Variants in CDK8 observed in about 807,000 individuals in gnomAD.
CDK8 encodes the protein cyclin-dependent kinase 8.
In CDK8, 29 loss-of-function variants were observed where a neutral mutation model predicts 71.5. The observed-to-expected ratio is 0.41, with a 90% CI of 0.30 to 0.55. CDK8 has a LOEUF of 0.55. Ranked by LOEUF, CDK8 falls within the 20% of genes least tolerant of loss-of-function variation. CDK8 has a pLI of 0.37. For missense variants in CDK8, 288 were observed against 572.6 expected (o/e 0.50, Z 5.07); for synonymous variants, 161 against 192.1 (o/e 0.84, Z 1.34).
At position 26,401,263 on chromosome 13, in the gene CDK8, G is replaced by A. The variant is rs1876243882; in HGVS notation, c.1032-6G>A. 6.2e-7 allele frequency: 1 copy of A among 1,610,906 alleles called. No homozygotes were observed. Among genetic ancestry groups the A allele is most frequent in the Non-Finnish European group, 8.5e-7 (1 of 1,177,876 alleles). ...CAGAAATGGTTTTTCTTTTTCTTAT[G>A]ATCAGCGTTTTTGCCGGTTGTCAAA... On this transcript the variant is annotated splice_region_variant and splice_polypyrimidine_tract_variant and intron_variant, in intron 10 of 12. Transcript: ENST00000381527. This position sits in a 1 kb window ranked among gnomAD's most constrained non-coding sequence, Gnocchi z 4.5.
At chr13:26,264,572 A>G (rs570920237) in intron 1 of CDK8, among the ~76,000 whole-genome samples, 44 of 152,350 alleles carry the variant, frequency 2.9e-4, no homozygotes, top group African/African-American at 1.1e-3. Flanking sequence ...AGATGTATAT[A>G]TGCATAGTGG....
chr13:26,272,051 T>C (rs1336250778), intron 1 of CDK8, among the ~76,000 whole-genome samples: 2 of 151,924 alleles, frequency 1.3e-5, no homozygotes, highest in Non-Finnish European at 2.9e-5. Context: ...AAATTAACCT[T>C]AGCCTCCTGT....
intron 7 of CDK8, among the ~76,000 whole-genome samples, chr13:26,395,448 A>C: frequency 6.7e-6 from 1 of 149,464 alleles, no homozygotes; most frequent in East Asian, 2.0e-4. Context: ...GCACCATTGC[A>C]CTCCGGCCTG....
rs138048015 is a variant in CDK8, at chr13:26,382,101, C to T, written c.457-713C>T. On this transcript the variant is annotated intron_variant, in intron 4 of 12. Coordinates refer to ENST00000381527, the MANE Select transcript of CDK8 (RefSeq NM_001260.3). ...CCTCATCCCCTCCTTACTCCTTCTG[C>T]TCTTCCTTCGCTTTCCTAAAGAAAG... Among the ~76,000 whole-genome samples, 1,103 of 152,266 alleles carry T rather than the reference C, an allele frequency of 7.2e-3. 14 individuals are homozygous for T. The highest frequency in any genetic ancestry group is 0.025 in the African/African-American group (1,059 of 41,556).
chr13:26,376,553 T>C (rs1874962548), intron 4 of CDK8, among the ~76,000 whole-genome samples: 1 of 152,230 alleles, frequency 6.6e-6, no homozygotes, highest in Non-Finnish European at 1.5e-5. Context: ...AATTGAAAAG[T>C]GTGTTTTCTC....
At chr13:26,279,997 G>T (rs888013075) in intron 1 of CDK8, among the ~76,000 whole-genome samples, 1 of 152,052 alleles carries the variant, frequency 6.6e-6, no homozygotes, top group Non-Finnish European at 1.5e-5. Flanking sequence ...GTATGTGTGT[G>T]TAAAGATACG....
At chr13:26,326,127 A>G (rs907423858) in intron 1 of CDK8, among the ~76,000 whole-genome samples, 2 of 152,204 alleles carry the variant, frequency 1.3e-5, no homozygotes, top group African/African-American at 4.8e-5. Flanking sequence ...AACTTTCCTA[A>G]GTATGACATC....
At chr13:26,351,032 G>T (rs1873660192) in intron 3 of CDK8, among the ~76,000 whole-genome samples, 2 of 151,928 alleles carry the variant, frequency 1.3e-5, no homozygotes, top group Admixed American at 1.3e-4. Flanking sequence ...GATAGCCAAA[G>T]TAATTTTGAA....
intron 1 of CDK8, among the ~76,000 whole-genome samples, chr13:26,295,801 T>C (rs1276704823): frequency 6.6e-6 from 1 of 152,190 alleles, no homozygotes; most frequent in African/African-American, 2.4e-5. Context: ...CATCTGAGAA[T>C]ATGATCAATC....
intron 1 of CDK8, among the ~76,000 whole-genome samples, chr13:26,280,382 C>G (rs1872695597): frequency 6.6e-6 from 1 of 152,170 alleles, no homozygotes; most frequent in South Asian, 2.1e-4. Context: ...ACTGAGTGGA[C>G]AAGGATTTGG....
chr13:26,363,584 A>ACTCTTGGG (rs1162316682), intron 4 of CDK8, among the ~76,000 whole-genome samples: 1 of 151,696 alleles, frequency 6.6e-6, no homozygotes, highest in East Asian at 1.9e-4. Context: ...CTGGTCTCAA[A>ACTCTTGGG]CTCTTGGGCT....
At chr13:26,328,840 A>G (rs922307163) in intron 1 of CDK8, among the ~76,000 whole-genome samples, 2 of 151,716 alleles carry the variant, frequency 1.3e-5, no homozygotes, top group African/African-American at 2.4e-5. Context: ...CAATTTTCCT[A>G]TTTTTCTTTT....
intron 1 of CDK8, among the ~76,000 whole-genome samples, chr13:26,271,959 A>G (rs935352969): frequency 6.6e-6 from 1 of 151,498 alleles, no homozygotes; most frequent in East Asian, 1.9e-4. Flanking sequence ...GGCCTAGGAC[A>G]TTGCTTTACA....
intron 2 of CDK8, among the ~76,000 whole-genome samples, chr13:26,340,301 T>TA (rs1873188050): frequency 1.3e-5 from 2 of 152,320 alleles, no homozygotes; most frequent in South Asian, 4.1e-4. Context: ...AACTTACTGT[T>TA]ACTGATTACT....
chr13:26,330,458 C>G (rs942147422), intron 1 of CDK8, among the ~76,000 whole-genome samples: 5 of 152,114 alleles, frequency 3.3e-5, no homozygotes, highest in African/African-American at 1.2e-4. Context: ...GCCCGCCTTT[C>G]CCTCCCCAAG....
Position 26,254,880 on chromosome 13 carries a change from G to C in CDK8, c.128+111G>C. On this transcript the variant is annotated intron_variant, in intron 1 of 12. Coordinates refer to ENST00000381527, the MANE Select transcript of CDK8 (RefSeq NM_001260.3). The surrounding 1 kb of genome is among the most constrained non-coding windows in gnomAD (Gnocchi z 6.7). ...CGGGGTGCCGGGCTCTGACTTCCTC[G>C]ACGCCGGCCTCTGGCTCCGCCAGCC... 4.2e-6 allele frequency: 6 copies of C among 1,443,548 alleles called. No individual in the cohort carries two copies. Among genetic ancestry groups the C allele is most frequent in the African/African-American group, 1.4e-5 (1 of 71,418 alleles). 89.4% of individuals were successfully genotyped at this position (1,443,548 alleles called of 1,614,324 possible).
chr13:26,396,677 T>C (rs1221366463), intron 8 of CDK8, among the ~76,000 whole-genome samples: 1 of 152,100 alleles, frequency 6.6e-6, no homozygotes, highest in Non-Finnish European at 1.5e-5. Context: ...ATAAATAAAC[T>C]TTGGTAATAG....
rs774141634 is a variant in CDK8 at position 26,400,436 on chromosome 13, A to G, written c.934-17A>G. On this transcript the variant is annotated splice_polypyrimidine_tract_variant and intron_variant, in intron 9 of 12. Coordinates refer to ENST00000381527, the MANE Select transcript of CDK8 (RefSeq NM_001260.3). The stretch of plus-strand genomic sequence containing the variant: ...TGAGAAGCAATACCGTCATGTTTGT[A>G]TGATTTGTGATTTCAGCTTCAGAAG... 18 of 1,482,190 alleles carry G rather than the reference A, an allele frequency of 1.2e-5. No individual in the cohort carries two copies. Among genetic ancestry groups the G allele is most frequent in the Middle Eastern group, 1.7e-4 (1 of 5,856 alleles). The allele number at this position is 1,482,190 out of a possible 1,614,324, so 91.8% of individuals were successfully genotyped here. A position where few individuals can be genotyped will look rare whatever the true frequency, so the allele number is the denominator to read the frequency against.
chr13:26,267,263 G>A (rs1872062384), intron 1 of CDK8, among the ~76,000 whole-genome samples: 1 of 152,168 alleles, frequency 6.6e-6, no homozygotes, highest in Admixed American at 6.6e-5. Flanking sequence ...GTTCTCCAGT[G>A]TCATATGAAG....
Sources: allele counts gnomAD v4.1 joint callset (sites outside exome capture counted in the v4.1 genomes callset), GRCh38; gene constraint gnomAD v4.1.1; non-coding constraint Gnocchi (gnomAD v3.1); transcripts MANE v1.5; gene names NCBI Gene and HGNC (gene_info 2026-07-23, HGNC 2026-07-21).